SEL1L3: variants seen among roughly 807,000 people sequenced by gnomAD.
The protein encoded by SEL1L3 is protein sel-1 homolog 3.
Under a neutral mutation model 142.8 loss-of-function variants are expected in SEL1L3, and 76 were observed. The ratio of observed to expected loss-of-function variants is 0.53; its 90% CI spans 0.44 to 0.64. The LOEUF is 0.64. Among genes scored for constraint, SEL1L3 ranks in the 30% least tolerant of loss-of-function variants. The pLI is 0.00. For synonymous variants in SEL1L3, 504 were observed against 519.6 expected (o/e 0.97, Z 0.41); for missense variants, 1,262 against 1,381.7 (o/e 0.91, Z 1.37).
intron 12 of SEL1L3, among the ~76,000 whole-genome samples, chr4:25,789,192 C>T (rs565611152): frequency 5.5e-4 from 84 of 152,256 alleles, no homozygotes; most frequent in African/African-American, 1.8e-3. Flanking sequence ...CCTCTCATCT[C>T]GTTCTCTTCC....
At chr4:25,850,649 A>C (rs1219988286) in intron 1 of SEL1L3, among the ~76,000 whole-genome samples, 2 of 151,814 alleles carry the variant, frequency 1.3e-5, no homozygotes, top group Non-Finnish European at 2.9e-5. Context: ...ACACCAGTAC[A>C]GTTTGCAATT....
At chr4:25,742,750 A>G (rs1200842311), downstream of SEL1L3, among the ~76,000 whole-genome samples, 1 of 152,170 alleles carries the variant, frequency 6.6e-6, no homozygotes, top group African/African-American at 2.4e-5. Context: ...TTGCTGGTGT[A>G]GGAAAACACT....
intron 11 of SEL1L3, among the ~76,000 whole-genome samples, chr4:25,796,421 C>T (rs1380931245): frequency 1.3e-5 from 2 of 151,734 alleles, no homozygotes; most frequent in African/African-American, 4.8e-5. Flanking sequence ...ATAGCAAAAC[C>T]CTGTCTCAAA....
chr4:25,822,230 C>T, intron 6 of SEL1L3, 102 bp from the exon 7 acceptor site: 1 of 1,400,530 alleles, frequency 7.1e-7, no homozygotes. Context: ...CAAATTGCCC[C>T]AAGCCCTTCA....
At chr4:25,836,912 G>A (rs894542794) in intron 2 of SEL1L3, among the ~76,000 whole-genome samples, 3 of 152,150 alleles carry the variant, frequency 2.0e-5, no homozygotes, top group Admixed American at 6.5e-5. Context: ...TTTGGAAATC[G>A]TAAGAGCAGT....
intron 10 of SEL1L3, among the ~76,000 whole-genome samples, chr4:25,802,810 T>C (rs565299623): frequency 1.3e-5 from 2 of 152,154 alleles, no homozygotes; most frequent in Admixed American, 6.5e-5. Flanking sequence ...CTCGATCTCC[T>C]GACCTCATGA....
intron 5 of SEL1L3, among the ~76,000 whole-genome samples, chr4:25,831,416 C>T (rs1715426391): frequency 6.6e-6 from 1 of 151,296 alleles, no homozygotes; most frequent in Admixed American, 6.6e-5. Flanking sequence ...ATGATACCTC[C>T]CCTAAGCATT....
At chr4:25,832,652 A>C (rs1176194143) in intron 5 of SEL1L3, among the ~76,000 whole-genome samples, 1 of 152,142 alleles carries the variant, frequency 6.6e-6, no homozygotes, top group Non-Finnish European at 1.5e-5. Flanking sequence ...CACTATATAA[A>C]CATGGCCAAT....
At chr4:25,768,639 T>C (rs1718929409) in intron 17 of SEL1L3, among the ~76,000 whole-genome samples, 1 of 152,186 alleles carries the variant, frequency 6.6e-6, no homozygotes, top group African/African-American at 2.4e-5. Flanking sequence ...ACGGAGTTCA[T>C]GGTAGAGCTG....
intron 11 of SEL1L3, among the ~76,000 whole-genome samples, chr4:25,793,769 G>A (rs1181524721): frequency 6.6e-6 from 1 of 152,134 alleles, no homozygotes; most frequent in Non-Finnish European, 1.5e-5. Flanking sequence ...CAACCTATGA[G>A]CCATTCTTTT....
chr4:25,723,336 A>T, the SEL1L3 span, among the ~76,000 whole-genome samples: 1 of 152,260 alleles, frequency 6.6e-6, no homozygotes, highest in East Asian at 1.9e-4. Flanking sequence ...TATACACTGG[A>T]CCTACTGCAG....
chr4:25,834,280 C>A (rs988507190), intron 3 of SEL1L3, among the ~76,000 whole-genome samples: 1 of 152,184 alleles, frequency 6.6e-6, no homozygotes, highest in Non-Finnish European at 1.5e-5. Flanking sequence ...GATATGTGAT[C>A]CATCAATCAT....
intron 13 of SEL1L3, 30 bp from the exon 14 acceptor site, chr4:25,784,320 A>C (rs759949655): frequency 3.9e-6 from 6 of 1,556,982 alleles, no homozygotes; most frequent in Non-Finnish European, 5.3e-6. Context: ...GATGATTACA[A>C]AGAAAATACA....
intron 15 of SEL1L3, among the ~76,000 whole-genome samples, chr4:25,780,719 A>C (rs1412374982): frequency 1.4e-5 from 2 of 147,300 alleles, no homozygotes; most frequent in Non-Finnish European, 3.0e-5. Context: ...CATATATATA[A>C]AATATATAAA....
At chr4:25,781,263 C>T (rs1193945484) in intron 15 of SEL1L3, among the ~76,000 whole-genome samples, 1 of 152,140 alleles carries the variant, frequency 6.6e-6, no homozygotes, top group East Asian at 1.9e-4. Flanking sequence ...AGATCAGGGA[C>T]TGTTTTGCCT....
chr4:25,772,603 G>T (rs1374628954), intron 17 of SEL1L3, among the ~76,000 whole-genome samples: 1 of 148,804 alleles, frequency 6.7e-6, no homozygotes, highest in African/African-American at 2.5e-5. Context: ...AAGGGAAAAG[G>T]AAAGGAAAAG....
At chr4:25,795,734 C>G (rs1272403401) in intron 11 of SEL1L3, among the ~76,000 whole-genome samples, 2 of 152,206 alleles carry the variant, frequency 1.3e-5, no homozygotes, top group African/African-American at 4.8e-5. Flanking sequence ...CTCCATAGTT[C>G]TGGGGTCACT....
chr4:25,734,574 A>G, the SEL1L3 span, among the ~76,000 whole-genome samples: 1 of 150,890 alleles, frequency 6.6e-6, no homozygotes, highest in African/African-American at 2.4e-5. Context: ...GGATTTTTGT[A>G]TCTTCTTTTT....
intron 1 of SEL1L3, among the ~76,000 whole-genome samples, chr4:25,854,019 T>C (rs570517953): frequency 6.6e-6 from 1 of 152,294 alleles, no homozygotes; most frequent in South Asian, 2.1e-4. Context: ...AAATGATATA[T>C]GTGGCTTGAA....
Sources: gnomAD v4.1 joint callset for allele counts (sites outside exome capture counted in the v4.1 genomes callset) on GRCh38, gnomAD v4.1.1 for gene constraint, MANE v1.5 for transcripts, NCBI Gene and HGNC (gene_info 2026-07-23, HGNC 2026-07-21) for gene names.